Variants in RPH3AL observed in about 807,000 individuals in gnomAD.
The protein encoded by RPH3AL is rab effector Noc2.
Under a neutral mutation model 43.1 loss-of-function variants are expected in RPH3AL, and 38 were observed. The observed-to-expected ratio is 0.88, with a 90% CI of 0.68 to 1.15. The LOEUF is 1.15. Among genes scored for constraint, RPH3AL ranks in the 50% most tolerant of loss-of-function variants. The pLI, the probability that RPH3AL is intolerant of heterozygous loss-of-function variation, is 0.00. For missense variants in RPH3AL, 462 were observed against 423.2 expected (o/e 1.09, Z -0.81); for synonymous variants, 189 against 176.3 (o/e 1.07, Z -0.57).
chr17:330,157 G>A (rs536725129), intron 2 of RPH3AL, among the ~76,000 whole-genome samples: 5 of 152,176 alleles, frequency 3.3e-5, no homozygotes, highest in Admixed American at 6.5e-5. Flanking sequence ...CATGCAGACC[G>A]CCTCCGCCTG....
chr17:260,396 T>C (rs1472390351), intron 6 of RPH3AL, among the ~76,000 whole-genome samples: 2 of 152,192 alleles, frequency 1.3e-5, no homozygotes, highest in African/African-American at 4.8e-5. Context: ...GGCAGGGCTG[T>C]GCCTGAGCCA....
chr17:320,607 C>G (rs1266114268), intron 4 of RPH3AL, among the ~76,000 whole-genome samples: 1 of 151,472 alleles, frequency 6.6e-6, no homozygotes, highest in Non-Finnish European at 1.5e-5. Flanking sequence ...CCACTGCATT[C>G]TAATCTACAC....
intron 4 of RPH3AL, among the ~76,000 whole-genome samples, chr17:320,433 C>G (rs1009080711): frequency 1.3e-5 from 2 of 151,734 alleles, no homozygotes; most frequent in African/African-American, 4.9e-5. Flanking sequence ...CCCAGAAGTT[C>G]GAGAGCAGCC....
chr17:316,560 G>A (rs2044210236), intron 5 of RPH3AL, among the ~76,000 whole-genome samples: 1 of 140,442 alleles, frequency 7.1e-6, no homozygotes, highest in Non-Finnish European at 1.5e-5. Context: ...CTGACATGTA[G>A]TCCCTGTGCC....
At chr17:299,710 G>A (rs886602873) in intron 5 of RPH3AL, among the ~76,000 whole-genome samples, 97 of 152,356 alleles carry the variant, frequency 6.4e-4, no homozygotes, top group African/African-American at 1.9e-3. Flanking sequence ...CGAGGTGTGC[G>A]GCACGGGGCC....
intron 7 of RPH3AL, among the ~76,000 whole-genome samples, chr17:240,876 G>A (rs369235936): frequency 5.4e-4 from 81 of 150,848 alleles, no homozygotes; most frequent in African/African-American, 1.9e-3. Context: ...TGGCCAACAC[G>A]GTGAACCCTG....
chr17:215,264 G>A lies in RPH3AL; in HGVS notation c.876+390C>T, dbSNP rs1477223857. Among the ~76,000 whole-genome samples, 4 of 152,164 alleles carry A rather than the reference G, an allele frequency of 2.6e-5. No individual in the cohort carries two copies. The highest frequency in any genetic ancestry group is 1.3e-4 in the Admixed American group (2 of 15,278). Reference sequence around the variant, plus strand: ...CTGGGCCCAGCAGGTGCAGGGCAGGGTGGGAGCCCAGGATTCTCCCCTCAC... The same window carrying A: ...CTGGGCCCAGCAGGTGCAGGGCAGGATGGGAGCCCAGGATTCTCCCCTCAC... On this transcript the variant is annotated intron_variant, in intron 9 of 9. Transcript: ENST00000331302. This position sits in a 1 kb window ranked among gnomAD's most constrained non-coding sequence, Gnocchi z 4.1.
intron 6 of RPH3AL, among the ~76,000 whole-genome samples, chr17:249,454 A>C (rs1339903034): frequency 1.3e-5 from 2 of 152,110 alleles, no homozygotes; most frequent in Non-Finnish European, 2.9e-5. Context: ...AGTGCCAGGC[A>C]CGGAGCAGCC....
chr17:318,620 G>A (rs1482152628), intron 5 of RPH3AL, among the ~76,000 whole-genome samples: 3 of 151,994 alleles, frequency 2.0e-5, no homozygotes, highest in South Asian at 2.1e-4. Context: ...CCATATGATA[G>A]TATAATTAAG....
chr17:286,831 C>T (rs1271023068), intron 5 of RPH3AL, among the ~76,000 whole-genome samples: 5 of 152,140 alleles, frequency 3.3e-5, no homozygotes, highest in East Asian at 1.9e-4. Flanking sequence ...CCTGGAACTG[C>T]GTCCGGGTGT....
intron 7 of RPH3AL, among the ~76,000 whole-genome samples, chr17:236,311 C>T (rs1016116019): frequency 4.6e-5 from 7 of 152,202 alleles, no homozygotes; most frequent in African/African-American, 1.7e-4. Flanking sequence ...GGCTATTGAT[C>T]GAGGAAACCT....
chr17:269,511 G>T (rs1483356202), intron 6 of RPH3AL, among the ~76,000 whole-genome samples: 1 of 152,198 alleles, frequency 6.6e-6, no homozygotes, highest in African/African-American at 2.4e-5. Context: ...AGGAATAAGT[G>T]ATTCAAGAAT....
chr17:314,436 G>A (rs1407701427), intron 5 of RPH3AL, among the ~76,000 whole-genome samples: 1 of 113,912 alleles, frequency 8.8e-6, no homozygotes, highest in African/African-American at 4.7e-5. Context: ...TAGTCCCTCT[G>A]CCCCCACCTC....
chr17:241,721 C>CTTTTTTTTTT (rs58397357), intron 7 of RPH3AL, among the ~76,000 whole-genome samples: 6 of 133,996 alleles, frequency 4.5e-5, no homozygotes, highest in East Asian at 2.1e-4. Flanking sequence ...CTTTTTTTTT[C>CTTTTTTTTTT]TTTTTTTTTT....
At chr17:331,157 C>G (rs1330621668) in intron 2 of RPH3AL, 3 of 153,164 alleles carry the variant, frequency 2.0e-5, no homozygotes, top group African/African-American at 7.2e-5. Flanking sequence ...TGAGCCCTCC[C>G]CAGCCCAGTC....
At chr17:263,016 A>C (rs1196430852) in intron 6 of RPH3AL, among the ~76,000 whole-genome samples, 3 of 152,180 alleles carry the variant, frequency 2.0e-5, no homozygotes, top group South Asian at 4.1e-4. Flanking sequence ...TCTTCCAATG[A>C]CATTAGCCTC....
intron 7 of RPH3AL, among the ~76,000 whole-genome samples, chr17:239,917 G>A (rs1305349707): frequency 6.6e-6 from 1 of 152,194 alleles, no homozygotes. Flanking sequence ...GCATGAGCCA[G>A]TGTACCCAGC....
In RPH3AL at chr17:296,739, T is replaced by C. The variant is rs75215174; in HGVS notation, c.352-14885A>G. On this transcript the variant is annotated intron_variant, in intron 5 of 9. Coordinates refer to ENST00000331302, the MANE Select transcript of RPH3AL (RefSeq NM_006987.4). ...GCCCGCTTTTTTCAAACACACAATA[T>C]TGTTTTGAAACTTCAAGTCACATAT... 5.8e-3 allele frequency among the ~76,000 whole-genome samples: 876 copies of C among 152,288 alleles called. 10 individuals carry two copies. Among genetic ancestry groups the C allele is most frequent in the African/African-American group, 0.02 (824 of 41,556 alleles).
intron 5 of RPH3AL, among the ~76,000 whole-genome samples, chr17:296,545 A>C (rs1239813234): frequency 1.3e-5 from 2 of 152,184 alleles, no homozygotes; most frequent in Non-Finnish European, 2.9e-5. Context: ...GACCAGCTCC[A>C]CCTTGGTAAT....
Sources: allele counts gnomAD v4.1 joint callset (sites outside exome capture counted in the v4.1 genomes callset), GRCh38; gene constraint gnomAD v4.1.1; non-coding constraint Gnocchi (gnomAD v3.1); transcripts MANE v1.5; gene names NCBI Gene and HGNC (gene_info 2026-07-23, HGNC 2026-07-21).